Variants in CFAP210 observed in about 807,000 individuals in gnomAD.
CFAP210 encodes cilia and flagella associated protein 210, also known as cilia- and flagella- associated protein 210.
the CFAP210 span, among the ~76,000 whole-genome samples, chr2:169,678,254 T>C: frequency 1.0e-3 from 153 of 149,764 alleles, 1 homozygote; most frequent in Non-Finnish European, 1.2e-3. Context: ...GGCAGGAGAA[T>C]TGCTTGAACC....
At chr2:169,646,011 C>T in the CFAP210 span, 11 of 1,613,956 alleles carry the variant, frequency 6.8e-6, no homozygotes, top group Non-Finnish European at 7.6e-6. Flanking sequence ...CCTTCCTGTA[C>T]AGCTTTTACA....
At chr2:169,654,820 T>C in the CFAP210 span, among the ~76,000 whole-genome samples, 1 of 152,096 alleles carries the variant, frequency 6.6e-6, no homozygotes, top group Admixed American at 6.5e-5. Context: ...AATGTTTGAA[T>C]AGTCATATGG....
chr2:169,677,693 T>C, the CFAP210 span, among the ~76,000 whole-genome samples: 3 of 152,158 alleles, frequency 2.0e-5, no homozygotes, highest in Non-Finnish European at 4.4e-5. Flanking sequence ...ATTTATTCAA[T>C]ATCATATTGG....
At chr2:169,669,880 G>T in the CFAP210 span, among the ~76,000 whole-genome samples, 1 of 152,102 alleles carries the variant, frequency 6.6e-6, no homozygotes, top group Non-Finnish European at 1.5e-5. Flanking sequence ...AGATACCATG[G>T]AAGCAGCTGG....
At chr2:169,651,637 G>A in the CFAP210 span, among the ~76,000 whole-genome samples, 1 of 151,908 alleles carries the variant, frequency 6.6e-6, no homozygotes, top group African/African-American at 2.4e-5. Context: ...TTACAGGTGT[G>A]AGCCACTGCA....
the CFAP210 span, chr2:169,645,984 C>T: frequency 1.2e-6 from 2 of 1,613,806 alleles, no homozygotes; most frequent in Non-Finnish European, 1.7e-6. Flanking sequence ...AACACTGGTC[C>T]ACGGCCACCT....
At chr2:169,646,105 A>C in the CFAP210 span, 1 of 1,613,976 alleles carries the variant, frequency 6.2e-7, no homozygotes, top group Middle Eastern at 1.6e-4. Flanking sequence ...TCTCCTTTTC[A>C]GCCACAAGAG....
At chr2:169,669,350 A>T in the CFAP210 span, among the ~76,000 whole-genome samples, 1 of 152,184 alleles carries the variant, frequency 6.6e-6, no homozygotes, top group Non-Finnish European at 1.5e-5. Context: ...CTTGGAGGGG[A>T]TGTCAAATTT....
chr2:169,660,043 TTCTTAA>T, the CFAP210 span, among the ~76,000 whole-genome samples: 1 of 152,108 alleles, frequency 6.6e-6, no homozygotes, highest in Non-Finnish European at 1.5e-5. Context: ...TTCTCTTTTT[TTCTTAA>T]TCTGGCTAGA....
At chr2:169,670,155 A>G in the CFAP210 span, among the ~76,000 whole-genome samples, 1 of 152,204 alleles carries the variant, frequency 6.6e-6, no homozygotes, top group Admixed American at 6.5e-5. Flanking sequence ...TCCTAGAGGA[A>G]GCCTTACCTA....
chr2:169,689,064 G>T, the CFAP210 span, among the ~76,000 whole-genome samples: 1 of 152,180 alleles, frequency 6.6e-6, no homozygotes, highest in Non-Finnish European at 1.5e-5. Context: ...AAATGAGGAA[G>T]AAGCAAAAGT....
the CFAP210 span, among the ~76,000 whole-genome samples, chr2:169,684,026 T>C: frequency 3.3e-5 from 5 of 152,166 alleles, no homozygotes; most frequent in African/African-American, 9.7e-5. Context: ...CACTGGTTGA[T>C]GTAAAATTTA....
chr2:169,682,170 T>C, the CFAP210 span, among the ~76,000 whole-genome samples: 1 of 152,158 alleles, frequency 6.6e-6, no homozygotes, highest in Non-Finnish European at 1.5e-5. Flanking sequence ...CCTACCCTTT[T>C]AATCGATCAA....
the CFAP210 span, chr2:169,662,260 C>G: frequency 8.2e-5 from 130 of 1,587,444 alleles, no homozygotes; most frequent in Non-Finnish European, 1.1e-4. Flanking sequence ...CTTTTTGGAA[C>G]TTTTGCCCTT....
chr2:169,692,444 G>GCACACACA, the CFAP210 span, among the ~76,000 whole-genome samples: 2,808 of 143,722 alleles, frequency 0.02, 99 homozygotes, highest in African/African-American at 0.068. Context: ...ACAGGCGCAC[G>GCACACACA]CACACACACA....
chr2:169,678,867 C>T, the CFAP210 span, among the ~76,000 whole-genome samples: 1 of 151,856 alleles, frequency 6.6e-6, no homozygotes, highest in East Asian at 1.9e-4. Flanking sequence ...TTAAAAGAAT[C>T]ATAAGGATGT....
chr2:169,675,177 T>C, the CFAP210 span: 1 of 705,096 alleles, frequency 1.4e-6, no homozygotes, highest in Non-Finnish European at 2.1e-6. Context: ...AAAATGAGGC[T>C]ACACTTATGA....
the CFAP210 span, among the ~76,000 whole-genome samples, chr2:169,661,613 C>T: frequency 4.6e-5 from 7 of 152,226 alleles, no homozygotes; most frequent in Non-Finnish European, 1.0e-4. Flanking sequence ...AGACACCAAA[C>T]ATAAATCACC....
chr2:169,663,017 T>C, the CFAP210 span, among the ~76,000 whole-genome samples: 2 of 152,200 alleles, frequency 1.3e-5, no homozygotes, highest in African/African-American at 4.8e-5. Context: ...AGAGCCCTGA[T>C]CTGAGTGATT....
Sources: gnomAD v4.1 joint callset for allele counts (sites outside exome capture counted in the v4.1 genomes callset) on GRCh38, gnomAD v4.1.1 for gene constraint, MANE v1.5 for transcripts, NCBI Gene and HGNC (gene_info 2026-07-23, HGNC 2026-07-21) for gene names.